The following TRAPPC9 variants were observed in gnomAD, a reference collection of about 807,000 sequenced individuals.
The protein encoded by TRAPPC9 is trafficking protein particle complex subunit 9.
In TRAPPC9, 83 loss-of-function variants were observed where a neutral mutation model predicts 124.0. The observed-to-expected ratio is 0.67, with a 90% confidence interval of 0.56 to 0.80. The LOEUF (loss-of-function observed/expected upper bound fraction) is 0.80, where lower values mean the gene tolerates loss of function less well. Among genes scored for constraint, TRAPPC9 ranks in the 30% least tolerant of loss-of-function variants. TRAPPC9 has a pLI of 0.00. For synonymous variants in TRAPPC9, 638 were observed against 617.5 expected, an observed-to-expected ratio of 1.03 and a Z score of -0.49; for missense variants, 1,302 against 1,508.3, an observed-to-expected ratio of 0.86 and a Z score of 2.27.
intron 7 of TRAPPC9, among the ~76,000 whole-genome samples, chr8:140,386,974 G>T (rs1028663636): frequency 5.9e-5 from 9 of 152,134 alleles, no homozygotes; most frequent in Non-Finnish European, 1.3e-4. Flanking sequence ...CAGAGATATA[G>T]ACCAATGGAA....
At chr8:140,344,043 G>A (rs980889793) in intron 9 of TRAPPC9, among the ~76,000 whole-genome samples, 6 of 152,040 alleles carry the variant, frequency 3.9e-5, no homozygotes, top group Middle Eastern at 3.2e-3. Flanking sequence ...CCAAATTCAC[G>A]TTATACCCTA....
intron 17 of TRAPPC9, among the ~76,000 whole-genome samples, chr8:140,060,915 A>G (rs1461183113): frequency 6.6e-6 from 1 of 152,202 alleles, no homozygotes; most frequent in Non-Finnish European, 1.5e-5. Flanking sequence ...GGCTCTCCAA[A>G]TGATTCCAAT....
At chr8:140,259,990 A>G (rs1034324975) in intron 15 of TRAPPC9, among the ~76,000 whole-genome samples, 4 of 152,244 alleles carry the variant, frequency 2.6e-5, no homozygotes, top group African/African-American at 9.6e-5. Flanking sequence ...TCGAAAAAGA[A>G]AACGAAGACC....
chr8:140,179,725 T>C (rs1454765249), intron 17 of TRAPPC9, among the ~76,000 whole-genome samples: 1 of 152,114 alleles, frequency 6.6e-6, no homozygotes, highest in Non-Finnish European at 1.5e-5. Context: ...GTCAGCTATT[T>C]GCTTCATGCA....
chr8:139,907,546 A>C lies in TRAPPC9; in HGVS notation c.2964+2601T>G. Among the ~76,000 whole-genome samples the C allele has an allele frequency of 1.2e-5, 1 of 82,858 alleles. No individual in the cohort carries two copies. The highest frequency in any genetic ancestry group is 4.9e-4 in the South Asian group (1 of 2,028). 54.4% of individuals were successfully genotyped at this position (82,858 alleles called of 152,430 possible). ...GAGAGGGAGAAAGAGAAAGGGGGGGAGGAAGGGATGGAGGCAGAGAGGGAG... is the reference window on the plus strand; with the variant it reads ...GAGAGGGAGAAAGAGAAAGGGGGGGCGGAAGGGATGGAGGCAGAGAGGGAG... On this transcript the variant is annotated intron_variant, in intron 20 of 22. Coordinates refer to ENST00000438773, the MANE Select transcript of TRAPPC9 (RefSeq NM_001160372.4). The surrounding 1 kb of genome is among the most constrained non-coding windows in gnomAD (Gnocchi z 4.7).
intron 19 of TRAPPC9, among the ~76,000 whole-genome samples, chr8:139,967,036 T>A (rs1345492189): frequency 6.6e-6 from 1 of 152,216 alleles, no homozygotes. Flanking sequence ...GTAGTTTGTC[T>A]TTAAATGCAG....
intron 18 of TRAPPC9, among the ~76,000 whole-genome samples, chr8:139,996,158 C>CAAAAAAAAAAAAAAAAAAAAA: frequency 3.1e-4 from 6 of 19,424 alleles, no homozygotes; most frequent in Non-Finnish European, 4.3e-4. Flanking sequence ...AAAACTTAAG[C>CAAAAAAAAAAAAAAAAAAAAA]AAAAAAAAAA....
chr8:140,370,328 A>G (rs1016779294), intron 8 of TRAPPC9, among the ~76,000 whole-genome samples: 8 of 151,942 alleles, frequency 5.3e-5, no homozygotes, highest in Non-Finnish European at 8.8e-5. Flanking sequence ...TGGTAGAGAC[A>G]GTGTTTCACC....
At chr8:140,401,426 A>G (rs1462578654) in intron 6 of TRAPPC9, among the ~76,000 whole-genome samples, 5 of 152,294 alleles carry the variant, frequency 3.3e-5, no homozygotes, top group Admixed American at 2.0e-4. Flanking sequence ...AAATCTATCA[A>G]TTGTATATAC....
At chr8:139,996,183 G>GAAAAAAAAAAAAAAAAA (rs1837978222) in intron 18 of TRAPPC9, among the ~76,000 whole-genome samples, 1 of 56,430 alleles carries the variant, frequency 1.8e-5, no homozygotes, top group African/African-American at 6.8e-5. Flanking sequence ...AAAAAAAAAA[G>GAAAAAAAAAAAAAAAAA]AAAGGAAAGA....
At chr8:140,291,211 G>C in intron 11 of TRAPPC9, 133 bp from the exon 12 acceptor site, 1 of 834,764 alleles carries the variant, frequency 1.2e-6, no homozygotes, top group East Asian at 2.6e-5. Context: ...TCTTGAGATG[G>C]GTGATTCAAA....
At position 140,348,870 on chromosome 8, in the gene TRAPPC9, C is replaced by G. The variant is rs903156825; in HGVS notation, c.1495+11180G>C. 9.2e-5 allele frequency among the ~76,000 whole-genome samples: 14 copies of G among 152,096 alleles called. 1 individual carries two copies. The highest frequency in any genetic ancestry group is 8.5e-4 in the Admixed American group (13 of 15,274). Reference sequence around the variant, plus strand: ...GAGACAAGCGGAGGCAGAACCAAGCCCTGACGCAAGCGCCCAGCACACGGG... The same window carrying G: ...GAGACAAGCGGAGGCAGAACCAAGCGCTGACGCAAGCGCCCAGCACACGGG... On this transcript the variant is annotated intron_variant, in intron 9 of 22. Transcript: ENST00000438773.
At chr8:140,175,825 A>C (rs577796879) in intron 17 of TRAPPC9, among the ~76,000 whole-genome samples, 6 of 152,372 alleles carry the variant, frequency 3.9e-5, no homozygotes, top group African/African-American at 1.4e-4. Flanking sequence ...ACATTTACTA[A>C]GGATCAGAAA....
At chr8:139,847,928 C>T (rs1374101695) in intron 21 of TRAPPC9, among the ~76,000 whole-genome samples, 5 of 152,252 alleles carry the variant, frequency 3.3e-5, no homozygotes, top group Non-Finnish European at 7.3e-5. Context: ...CCTCCGCTCC[C>T]TGCCGCCTCT....
At chr8:139,965,135 T>A (rs745858995) in intron 19 of TRAPPC9, among the ~76,000 whole-genome samples, 1 of 152,178 alleles carries the variant, frequency 6.6e-6, no homozygotes, top group Non-Finnish European at 1.5e-5. Flanking sequence ...CCAGCTGCCT[T>A]CCACAGGCTT....
At chr8:140,085,211 C>T (rs1203937530) in intron 17 of TRAPPC9, among the ~76,000 whole-genome samples, 12 of 152,076 alleles carry the variant, frequency 7.9e-5, no homozygotes, top group Admixed American at 6.5e-4. Flanking sequence ...ACAGGAGTGA[C>T]GTGGACTATG....
chr8:139,968,132 G>C (rs1283844305), intron 19 of TRAPPC9, among the ~76,000 whole-genome samples: 1 of 148,942 alleles, frequency 6.7e-6, no homozygotes, highest in African/African-American at 2.5e-5. Context: ...CTGGGCGACA[G>C]AGCAAGACTC....
chr8:139,870,449 G>A (rs998093782), intron 21 of TRAPPC9, among the ~76,000 whole-genome samples: 4 of 152,198 alleles, frequency 2.6e-5, no homozygotes, highest in African/African-American at 9.7e-5. Flanking sequence ...TCACTCTGGT[G>A]AGGAATGACA....
At chr8:140,426,240 G>A (rs1047842124) in intron 5 of TRAPPC9, among the ~76,000 whole-genome samples, 8 of 152,208 alleles carry the variant, frequency 5.3e-5, no homozygotes, top group Admixed American at 5.2e-4. Context: ...ACGAAATGCA[G>A]TAGAGAATTA....
Sources: allele counts gnomAD v4.1 joint callset (sites outside exome capture counted in the v4.1 genomes callset), GRCh38; gene constraint gnomAD v4.1.1; non-coding constraint Gnocchi (gnomAD v3.1); transcripts MANE v1.5; gene names NCBI Gene and HGNC (gene_info 2026-07-23, HGNC 2026-07-21).